The following NYNRIN variants were observed in gnomAD, a reference collection of about 807,000 sequenced individuals.
NYNRIN encodes the protein protein NYNRIN.
A neutral mutation model predicts 146.6 loss-of-function variants in NYNRIN; 86 were observed. The ratio of observed to expected loss-of-function variants is 0.59; its 90% confidence interval spans 0.49 to 0.70. The LOEUF (loss-of-function observed/expected upper bound fraction) is 0.70, where lower values mean the gene tolerates loss of function less well. Ranked by LOEUF, NYNRIN falls within the 30% of genes least tolerant of loss-of-function variation. The pLI is 0.00. For synonymous variants in NYNRIN, 1,027 were observed against 1,001.3 expected (o/e 1.03, Z -0.48); for missense variants, 2,191 against 2,377.7 (o/e 0.92, Z 1.63).
chr14:24,411,793 C>T lies in NYNRIN; in HGVS notation c.2642+343C>T, dbSNP rs760744977. On this transcript the variant is annotated intron_variant, in intron 6 of 8. Transcript: ENST00000382554. The surrounding 1 kb of genome is among the most constrained non-coding windows in gnomAD (Gnocchi z 4.3). ...CCGTTTCGGTTGAGGCTCATGTCTC[C>T]AGACTGCTTTAGTCTTTTCCTCCCT... is the stretch of plus-strand genomic sequence containing the variant. Among the ~76,000 whole-genome samples the T allele has an allele frequency of 1.6e-4, 25 of 152,206 alleles. No individual in the cohort carries two copies. Among genetic ancestry groups the T allele is most frequent in the South Asian group, 4.1e-4 (2 of 4,836 alleles).
chr14:24,416,078 C>T lies in NYNRIN; in HGVS notation c.4329C>T (p.Thr1443=), dbSNP rs2042943150. ...RGSLFAVTVD[T]LAKQGAQGGG... ...CTCTGTTTGCTGTGACAGTGGACAC[C>T]CTGGCCAAGCAGGGTGCCCAGGGGG... The change falls in exon 9 of 9, where the codon ACC becomes ACT. Residue 1443 remains threonine, a synonymous_variant. Coordinates refer to ENST00000382554, the MANE Select transcript of NYNRIN (RefSeq NM_025081.3). The T allele has an allele frequency of 3.1e-6, 5 of 1,613,860 alleles. No individual in the cohort carries two copies. Among genetic ancestry groups the T allele is most frequent in the African/African-American group, 1.3e-5 (1 of 74,918 alleles).
Position 24,416,628 on chromosome 14 carries a change from A to C in NYNRIN, c.4879A>C (p.Ile1627Leu), listed in dbSNP as rs369343954. The change falls in exon 9 of 9, where the codon ATA (isoleucine) becomes CTA (leucine). Residue 1627 changes from isoleucine (I) to leucine (L), a missense_variant. By Grantham distance (5) the Ile-to-Leu change is conservative (BLOSUM62 2). This residue lies in a region of NYNRIN where 1,291 missense variants were observed against 1,417.0 expected (regional missense o/e 0.91). Transcript: ENST00000382554. ...LQIEVVGPVT[I>L]SEEGHKHVLI... ...GATCGAGGTGGTGGGCCCGGTCACC[A>C]TAAGTGAGGAGGGCCATAAGCATGT... 6.2e-7 allele frequency: 1 copy of C among 1,613,934 alleles called. No homozygotes were observed. Among genetic ancestry groups the C allele is most frequent in the Non-Finnish European group, 8.5e-7 (1 of 1,179,872 alleles).
Position 24,418,450 on chromosome 14 carries a change from T to C in NYNRIN, c.*1004T>C. ...ATCCTGCATCCCAGACCCTACAGAT[T>C]GTGTGATTGCTTCATCTGTATCACC... On this transcript the variant is annotated 3_prime_UTR_variant, in exon 9 of 9. Transcript: ENST00000382554. 2.8e-6 allele frequency: 1 copy of C among 351,342 alleles called. No individual in the cohort carries two copies. Among genetic ancestry groups the C allele is most frequent in the Non-Finnish European group, 5.6e-6 (1 of 177,062 alleles). 21.8% of individuals were successfully genotyped at this position (351,342 alleles called of 1,614,324 possible).
rs1244401113 is a variant in NYNRIN at position 24,409,869 on chromosome 14, C to T, written c.2075C>T (p.Pro692Leu). The T allele has an allele frequency of 1.2e-6, 2 of 1,613,412 alleles. No individual in the cohort carries two copies. The highest frequency in any genetic ancestry group is 1.7e-6 in the Non-Finnish European group (2 of 1,179,670). The change falls in exon 4 of 9, where the codon CCA (proline) becomes CTA (leucine). Residue 692 changes from proline to leucine, a missense_variant. Around this residue, in one of 3 missense-constraint regions of NYNRIN, gnomAD observed 895 missense variants for 941.2 expected, o/e 0.95. Transcript: ENST00000382554. ...CAGAAGGTGCCCACGGATGCAGGGC[C>T]AACCTTGGATGTAGCCAGACTTCTG... ...AAQKVPTDAG[P>L]TLDVARLLSE...
Position 24,414,991 on chromosome 14 carries a change from A to C in NYNRIN, c.3242A>C (p.His1081Pro). ...GKAPCQQVLA[H>P]LAQLTIPSNF... is the part of the protein sequence containing the mutation. ...GCTCCCTGCCAGCAGGTTCTTGCCCACCTGGCCCAGCTCACCATCCCCAGC... is the reference window on the plus strand; with the variant it reads ...GCTCCCTGCCAGCAGGTTCTTGCCCCCCTGGCCCAGCTCACCATCCCCAGC... Residue 1081 changes from histidine (H) to proline (P), a missense_variant, in exon 9 of 9, where the codon CAC becomes CCC. By Grantham distance (77) the His-to-Pro change is moderately conservative. Coordinates refer to ENST00000382554, the MANE Select transcript of NYNRIN (RefSeq NM_025081.3). 1 of 1,597,954 alleles carries C rather than the reference A, an allele frequency of 6.3e-7. No homozygotes were observed. Among genetic ancestry groups the C allele is most frequent in the Non-Finnish European group, 8.6e-7 (1 of 1,168,058 alleles).
chr14:24,418,767 G>C lies in NYNRIN; in HGVS notation c.*1321G>C, dbSNP rs1444147742. On this transcript the variant is annotated 3_prime_UTR_variant, in exon 9 of 9. Transcript: ENST00000382554. ...GCATTGCAGAGTGCTAGAGCCAGTG[G>C]AGAACTTGCCAACTTGATTGTTTTA... 2.0e-5 allele frequency: 3 copies of C among 153,046 alleles called. No individual in the cohort carries two copies. Among genetic ancestry groups the C allele is most frequent in the Admixed American group, 6.5e-5 (1 of 15,434 alleles). The allele number at this position is 153,046 out of a possible 1,614,324, so 9.5% of individuals were successfully genotyped here.
At position 24,399,103 on chromosome 14, in the gene NYNRIN, G is replaced by A. The variant is rs1327222949; in HGVS notation, c.-18+17G>A. Reference sequence around the variant, plus strand: ...CCGTGCGGGGTGGGTCCCGCCGCCTGGAGGAAGGAGGCCGTGCGGGGGGCG... The same window carrying A: ...CCGTGCGGGGTGGGTCCCGCCGCCTAGAGGAAGGAGGCCGTGCGGGGGGCG... On this transcript the variant is annotated intron_variant, in intron 1 of 8. Coordinates refer to ENST00000382554, the MANE Select transcript of NYNRIN (RefSeq NM_025081.3). 9.4e-6 allele frequency: 7 copies of A among 744,216 alleles called. No individual in the cohort carries two copies. The Admixed American group carries it at 9.7e-5, about 10-fold the overall frequency. The allele number at this position is 744,216 out of a possible 1,614,324, so 46.1% of individuals were successfully genotyped here. A position where few individuals can be genotyped will look rare whatever the true frequency, so the allele number is the denominator to read the frequency against.
chr14:24,417,222 G>A lies in NYNRIN; in HGVS notation c.5473G>A (p.Glu1825Lys), dbSNP rs2042954319. The change falls in exon 9 of 9, where the codon GAG becomes AAG. Residue 1825 changes from glutamate to lysine, a missense_variant. By Grantham distance (56) the Glu-to-Lys change is moderately conservative. Around this residue, in one of 3 missense-constraint regions of NYNRIN, gnomAD observed 1,291 missense variants for 1,417.0 expected, o/e 0.91. Coordinates refer to ENST00000382554, the MANE Select transcript of NYNRIN (RefSeq NM_025081.3). Reference sequence around the variant, plus strand: ...TTTCAAGCGGGAGAGCCAGGAGAAGGAGTGGAATGTGGGTGACCAGGTCCT... The same window carrying A: ...TTTCAAGCGGGAGAGCCAGGAGAAGAAGTGGAATGTGGGTGACCAGGTCCT... ...RRFKRESQEK[E>K]WNVGDQVLLL... is the part of the protein sequence containing the mutation. 1 of 1,614,078 alleles carries A rather than the reference G, an allele frequency of 6.2e-7. No homozygotes were observed. Among genetic ancestry groups the A allele is most frequent in the African/African-American group, 1.3e-5 (1 of 75,070 alleles).
Position 24,408,003 on chromosome 14 carries a change from G to A in NYNRIN, c.333G>A (p.Val111=), listed in dbSNP as rs1342286799. The change falls in exon 3 of 9, where the codon GTG becomes GTA. Residue 111 remains valine, a synonymous_variant. Transcript: ENST00000382554. ...GCTGGAGCACCCTTGCCTACCTGGT[G>A]CCTGGCCCCCCTGGCTCCCTGATGG... ...CLCWSTLAYL[V]PGPPGSLMVG... 4 of 1,614,016 alleles carry A rather than the reference G, an allele frequency of 2.5e-6. No homozygotes were observed. Among genetic ancestry groups the A allele is most frequent in the Middle Eastern group, 1.6e-4 (1 of 6,062 alleles).
In NYNRIN at chr14:24,408,253, G is replaced by T; in HGVS notation, c.583G>T (p.Asp195Tyr). The T allele has an allele frequency of 3.1e-6, 5 of 1,609,796 alleles. No homozygotes were observed. The highest frequency in any genetic ancestry group is 4.2e-6 in the Non-Finnish European group (5 of 1,179,728). The change falls in exon 3 of 9, where the codon GAT becomes TAT. Residue 195 changes from aspartate to tyrosine, a missense_variant. By Grantham distance (160) the Asp-to-Tyr change is radical. Around this residue, in one of 3 missense-constraint regions of NYNRIN, gnomAD observed 895 missense variants for 941.2 expected, o/e 0.95. Coordinates refer to ENST00000382554, the MANE Select transcript of NYNRIN (RefSeq NM_025081.3). ...GGAGCTGCTGCTGAGCCTGGTGCGG[G>T]ATGCTGCGGGCAAGGAAGACATCAT... ...VQELLLSLVRDAAGKEDIIEW... is the reference protein window; with the variant it reads ...VQELLLSLVRYAAGKEDIIEW...
rs2042955807 is a variant in NYNRIN, at chr14:24,417,431, G to A, written c.5682G>A (p.Lys1894=). The A allele has an allele frequency of 6.6e-7, 1 of 1,507,006 alleles. No individual in the cohort carries two copies. The highest frequency in any genetic ancestry group is 2.2e-5 in the Admixed American group (1 of 46,256). 93.4% of individuals were successfully genotyped at this position (1,507,006 alleles called of 1,614,324 possible). A position where few individuals can be genotyped will look rare whatever the true frequency, so the allele number is the denominator to read the frequency against. The part of the protein sequence containing the change: ...FAKSGTPLSF[K]VLEQ ...AGAGTGGCACCCCGCTGTCCTTCAA[G>A]GTCTTGGAGCAGTGAGCGGGAGCAG... is the stretch of plus-strand genomic sequence containing the variant. The change falls in exon 9 of 9, where the codon AAG becomes AAA. Residue 1894 remains lysine, a synonymous_variant. Transcript: ENST00000382554.
chr14:24,416,155 C>T lies in NYNRIN; in HGVS notation c.4406C>T (p.Pro1469Leu), dbSNP rs1009865264. The T allele has an allele frequency of 2.5e-6, 4 of 1,613,748 alleles. No individual in the cohort carries two copies. The highest frequency in any genetic ancestry group is 3.4e-6 in the Non-Finnish European group (4 of 1,179,790). ...PKDVPAPTVS[P>L]HAMGKRPNLL... The stretch of plus-strand genomic sequence containing the variant: ...GATGTGCCAGCCCCTACAGTGAGTC[C>T]CCATGCCATGGGCAAGAGGCCCAAT... The change falls in exon 9 of 9, where the codon CCC becomes CTC. Residue 1469 changes from proline (P) to leucine (L), a missense_variant. Pro to Leu is a moderately conservative substitution (Grantham distance 98). This residue lies in a region of NYNRIN where 1,291 missense variants were observed against 1,417.0 expected (regional missense o/e 0.91). Coordinates refer to ENST00000382554, the MANE Select transcript of NYNRIN (RefSeq NM_025081.3).
At position 24,408,160 on chromosome 14, in the gene NYNRIN, G is replaced by A. The variant is rs1479490784; in HGVS notation, c.490G>A (p.Gly164Arg). ...IWEAEVTRAF[G>R]ALVWIRGDQH... ...GGAGGCTGAGGTGACCCGGGCCTTT[G>A]GGGCCCTGGTCTGGATCCGTGGTGA... Residue 164 changes from glycine to arginine, a missense_variant, in exon 3 of 9, where the codon GGG becomes AGG. Gly to Arg is a moderately radical substitution (Grantham distance 125). Transcript: ENST00000382554. 6.2e-7 allele frequency: 1 copy of A among 1,602,982 alleles called. No homozygotes were observed. The highest frequency in any genetic ancestry group is 1.7e-5 in the Admixed American group (1 of 58,936).
Position 24,409,800 on chromosome 14 carries a change from C to T in NYNRIN, c.2006C>T (p.Pro669Leu). The change falls in exon 4 of 9, where the codon CCT (proline) becomes CTT (leucine). Residue 669 changes from proline (P) to leucine (L), a missense_variant. Transcript: ENST00000382554. ...AAAGCACCTGCAGCTCCCAAAGTAC[C>T]TGTGACCCCCAGAGTCTCCAGAGCT... is the stretch of plus-strand genomic sequence containing the variant. ...ASKAPAAPKV[P>L]VTPRVSRAPK... 1 of 1,613,374 alleles carries T rather than the reference C, an allele frequency of 6.2e-7. No homozygotes were observed. Among genetic ancestry groups the T allele is most frequent in the Non-Finnish European group, 8.5e-7 (1 of 1,179,638 alleles).
Position 24,415,666 on chromosome 14 carries a change from C to T in NYNRIN, c.3917C>T (p.Thr1306Met), listed in dbSNP as rs772483093. ...QVLPPFSDLS[T>M]FVCIHMSGYC... The stretch of plus-strand genomic sequence containing the variant: ...CTGCCGCCTTTCTCTGACCTGTCCA[C>T]GTTCGTCTGCATCCACATGTCGGGC... Residue 1306 changes from threonine (T) to methionine (M), a missense_variant, in exon 9 of 9, where the codon ACG becomes ATG. By Grantham distance (81) the Thr-to-Met change is moderately conservative (BLOSUM62 -1). Coordinates refer to ENST00000382554, the MANE Select transcript of NYNRIN (RefSeq NM_025081.3). 1.2e-4 allele frequency: 201 copies of T among 1,613,902 alleles called. No homozygotes were observed. The highest frequency in any genetic ancestry group is 1.5e-4 in the Non-Finnish European group (181 of 1,179,904).
rs1172682903 is a variant in NYNRIN at position 24,416,666 on chromosome 14, T to A, written c.4917T>A (p.Ala1639=). 1 of 1,613,968 alleles carries A rather than the reference T, an allele frequency of 6.2e-7. No homozygotes were observed. The highest frequency in any genetic ancestry group is 1.1e-5 in the South Asian group (1 of 91,082). The change falls in exon 9 of 9, where the codon GCT becomes GCA. Residue 1639 remains alanine, a synonymous_variant. Coordinates refer to ENST00000382554, the MANE Select transcript of NYNRIN (RefSeq NM_025081.3). ...EEGHKHVLIV[A]DPNTRWVEAF... ...GCCATAAGCATGTACTTATTGTGGCTGACCCAAACACCAGGTGGGTGGAGG... is the reference window on the plus strand; with the variant it reads ...GCCATAAGCATGTACTTATTGTGGCAGACCCAAACACCAGGTGGGTGGAGG...
intron 2 of NYNRIN, among the ~76,000 whole-genome samples, chr14:24,400,272 T>C (rs1456222727): frequency 6.6e-6 from 1 of 152,188 alleles, no homozygotes; most frequent in African/African-American, 2.4e-5. Flanking sequence ...TCTCTTGCAA[T>C]CTCCCTGGCT....
intron 2 of NYNRIN, among the ~76,000 whole-genome samples, chr14:24,402,972 A>G (rs145165770): frequency 6.6e-6 from 1 of 152,320 alleles, no homozygotes; most frequent in Non-Finnish European, 1.5e-5. Flanking sequence ...TTTCTAAAAG[A>G]ATATGTAGAC....
intron 2 of NYNRIN, among the ~76,000 whole-genome samples, chr14:24,400,518 T>C (rs1194865165): frequency 6.6e-6 from 1 of 152,134 alleles, no homozygotes; most frequent in African/African-American, 2.4e-5. Flanking sequence ...GCCAGCCTGG[T>C]AGGCAGGCAG....
Sources: gnomAD v4.1 joint callset for allele counts (sites outside exome capture counted in the v4.1 genomes callset) on GRCh38, gnomAD v4.1.1 for gene constraint, gnomAD v4.1.1 regional missense constraint, Gnocchi (gnomAD v3.1) non-coding constraint, MANE v1.5 for transcripts, NCBI Gene and HGNC (gene_info 2026-07-23, HGNC 2026-07-21) for gene names.